C5: variants seen among roughly 807,000 people sequenced by gnomAD.
C5 encodes C3 and PZP-like alpha-2-macroglobulin domain-containing protein 4.
A neutral mutation model predicts 218.8 loss-of-function variants in C5; 140 were observed. The ratio of observed to expected loss-of-function variants is 0.64; its 90% CI spans 0.56 to 0.74. The LOEUF (loss-of-function observed/expected upper bound fraction) is 0.74, where lower values mean the gene tolerates loss of function less well. Among genes scored for constraint, C5 ranks in the 30% least tolerant of loss-of-function variants. The pLI, the probability that C5 is intolerant of heterozygous loss-of-function variation, is 0.00. For missense variants in C5, 1,700 were observed against 1,969.6 expected, an observed-to-expected ratio of 0.86 and a Z score of 2.59; for synonymous variants, 614 against 682.3, an observed-to-expected ratio of 0.90 and a Z score of 1.56.
chr9:121,051,162 G>A (rs1450167301), upstream of C5, among the ~76,000 whole-genome samples: 9 of 142,012 alleles, frequency 6.3e-5, no homozygotes, highest in Non-Finnish European at 1.1e-4. Flanking sequence ...TCTTTCTGTC[G>A]CCCAGGCTGG....
In C5 at chr9:121,012,902, T is replaced by C. The variant is rs181013315; in HGVS notation, c.2257+971A>G. Among the ~76,000 whole-genome samples, 21 of 152,272 alleles carry C rather than the reference T, an allele frequency of 1.4e-4. No homozygotes were observed. The East Asian group carries it at 4.1e-3, about 29-fold the overall frequency. ...AAACACAGGAAAGGTACAGAAAAAA[T>C]ACGGTATTATAATCCTATAGGATCA... On this transcript the variant is annotated intron_variant, in intron 17 of 40. Transcript: ENST00000223642.
At position 120,957,265 on chromosome 9, in the gene C5, A is replaced by T. The variant is rs757661535; in HGVS notation, c.4762+20T>A. ...AAATAGTTGCTGAATGAAGGAACGA[A>T]TGAACGAATGAATTCTCACCAGTTT... On this transcript the variant is annotated intron_variant, in intron 39 of 40. Transcript: ENST00000223642. 2 of 1,543,668 alleles carry T rather than the reference A, an allele frequency of 1.3e-6. No homozygotes were observed. Among genetic ancestry groups the T allele is most frequent in the East Asian group, 4.5e-5 (2 of 44,412 alleles).
chr9:121,051,107 A>C (rs1345864764), upstream of C5, among the ~76,000 whole-genome samples: 1 of 151,428 alleles, frequency 6.6e-6, no homozygotes, highest in Non-Finnish European at 1.5e-5. Flanking sequence ...CAATATACTA[A>C]AATTTTATCT....
chr9:121,050,280 C>G, upstream of C5: 1 of 1,511,316 alleles, frequency 6.6e-7, no homozygotes, highest in South Asian at 1.1e-5. Context: ...GGATATAACA[C>G]TTTTGAGGAT....
At chr9:121,040,307 G>C (rs1276667592) in intron 3 of C5, among the ~76,000 whole-genome samples, 1 of 152,192 alleles carries the variant, frequency 6.6e-6, no homozygotes, top group African/African-American at 2.4e-5. Context: ...AAGGAGGTCA[G>C]TTTGGCTTGT....
intron 17 of C5, 135 bp downstream of exon 17, chr9:121,013,738 T>TG: frequency 1.2e-6 from 1 of 828,592 alleles, no homozygotes; most frequent in Non-Finnish European, 1.9e-6. Flanking sequence ...GATTTTTTTT[T>TG]CTTATGGACA....
the C5 span, among the ~76,000 whole-genome samples, chr9:121,074,587 G>A: frequency 1.3e-5 from 2 of 152,238 alleles, no homozygotes; most frequent in South Asian, 2.1e-4. Flanking sequence ...GGAGGCCGGG[G>A]AGGCGCTGCG....
chr9:121,040,793 A>T (rs1277985754), intron 3 of C5, among the ~76,000 whole-genome samples: 2 of 152,188 alleles, frequency 1.3e-5, no homozygotes, highest in Non-Finnish European at 2.9e-5. Flanking sequence ...CAGCAGCTCA[A>T]GCTGTGACTT....
At chr9:120,989,818 T>C in intron 23 of C5, 38 bp from the exon 24 acceptor site, 1 of 1,482,394 alleles carries the variant, frequency 6.7e-7, no homozygotes, top group Non-Finnish European at 9.4e-7. Context: ...CATTGCTTTT[T>C]ATTAACTTCT....
the C5 span, among the ~76,000 whole-genome samples, chr9:121,067,391 T>C: frequency 4.0e-5 from 6 of 151,436 alleles, no homozygotes; most frequent in African/African-American, 1.5e-4. Flanking sequence ...TGAAACCCTG[T>C]CTCTACTAAA....
chr9:121,028,744 A>C (rs2047447681), intron 7 of C5, among the ~76,000 whole-genome samples: 1 of 152,192 alleles, frequency 6.6e-6, no homozygotes, highest in African/African-American at 2.4e-5. Flanking sequence ...CTAATGTATG[A>C]TGAGTTAATA....
At chr9:120,989,922 G>GA in intron 23 of C5, 142 bp from the exon 24 acceptor site, 2 of 479,540 alleles carry the variant, frequency 4.2e-6, no homozygotes, top group Non-Finnish European at 7.3e-6. Context: ...AACGGGGTGA[G>GA]AAAAAAAGAT....
intron 22 of C5, among the ~76,000 whole-genome samples, chr9:120,995,606 T>A (rs948607448): frequency 9.9e-5 from 15 of 152,118 alleles, no homozygotes; most frequent in Admixed American, 1.3e-4. Context: ...TTCTTAGGTG[T>A]TCTTTGGACT....
chr9:121,023,784 G>C (rs1259434469), intron 9 of C5, among the ~76,000 whole-genome samples: 1 of 152,066 alleles, frequency 6.6e-6, no homozygotes, highest in Non-Finnish European at 1.5e-5. Flanking sequence ...TACAGGACTG[G>C]ACTGAGGAAG....
upstream of C5, among the ~76,000 whole-genome samples, chr9:121,052,277 C>T (rs1045444388): frequency 4.6e-5 from 7 of 151,488 alleles, no homozygotes; most frequent in Non-Finnish European, 7.4e-5. Context: ...GCCAACATGG[C>T]GAAAACCCGC....
intron 33 of C5, among the ~76,000 whole-genome samples, chr9:120,963,955 C>T (rs564422151): frequency 9.2e-5 from 14 of 152,302 alleles, no homozygotes; most frequent in Admixed American, 2.6e-4. Flanking sequence ...CAACAGACCA[C>T]TCTACTGGAA....
At chr9:121,038,730 C>T (rs1409897032) in intron 3 of C5, among the ~76,000 whole-genome samples, 1 of 152,094 alleles carries the variant, frequency 6.6e-6, no homozygotes, top group East Asian at 1.9e-4. Context: ...ACTTTACCCA[C>T]AAAATAAAAT....
the C5 span, among the ~76,000 whole-genome samples, chr9:121,057,209 A>T: frequency 1.3e-5 from 2 of 152,206 alleles, no homozygotes; most frequent in Non-Finnish European, 2.9e-5. Context: ...TCTTATAGGA[A>T]ATGCTAAAGG....
intron 1 of C5, among the ~76,000 whole-genome samples, chr9:121,048,888 C>T (rs143856772): frequency 1.3e-5 from 2 of 152,262 alleles, no homozygotes; most frequent in African/African-American, 4.8e-5. Flanking sequence ...CTTAAGAGAA[C>T]CTTTCCTGGC....
Sources: gnomAD v4.1 joint callset for allele counts (sites outside exome capture counted in the v4.1 genomes callset) on GRCh38, gnomAD v4.1.1 for gene constraint, MANE v1.5 for transcripts, NCBI Gene and HGNC (gene_info 2026-07-23, HGNC 2026-07-21) for gene names.